Variants in SNX4 observed in about 807,000 individuals in gnomAD.
SNX4 encodes sorting nexin 4, also known as sorting nexin-4.
In SNX4, 49 loss-of-function variants were observed where a neutral mutation model predicts 70.8. That is an observed-to-expected ratio of 0.69 (90% CI 0.55 to 0.88). The LOEUF is 0.88. Among genes scored for constraint, SNX4 ranks in the 40% least tolerant of loss-of-function variants. SNX4 has a pLI of 0.00. For missense variants in SNX4, 528 were observed against 544.8 expected (o/e 0.97, Z 0.31); for synonymous variants, 206 against 183.8 (o/e 1.12, Z -0.98).
chr3:125,465,404 C>A (rs962504432), intron 9 of SNX4, among the ~76,000 whole-genome samples: 5 of 151,876 alleles, frequency 3.3e-5, no homozygotes, highest in African/African-American at 9.7e-5. Context: ...TGCCACCACA[C>A]CTGGCTAATT....
intron 1 of SNX4, among the ~76,000 whole-genome samples, chr3:125,518,475 G>C (rs74281253): frequency 0.038 from 5,780 of 151,958 alleles, 214 homozygotes; most frequent in East Asian, 0.11. Flanking sequence ...GAAAAAAAAA[G>C]CACATCCAAA....
chr3:125,481,682 G>A (rs144773609), intron 6 of SNX4, among the ~76,000 whole-genome samples: 6,772 of 152,076 alleles, frequency 0.045, 228 homozygotes, highest in Non-Finnish European at 0.066. Context: ...TCAGGTGATC[G>A]CCTGCCTTGG....
Position 125,453,885 on chromosome 3 carries a change from T to G in SNX4, c.1115A>C (p.Glu372Ala). ...LFGQETPEQR[E>A]ARIKVLEEQI... is the part of the protein sequence containing the mutation. ...TTCTTCTAGCACCTTTATTCTGGCT[T>G]CTCTCTGCTCTGGAGTTTCTTGACC... The change falls in exon 12 of 14, where the codon GAA becomes GCA. Residue 372 changes from glutamate to alanine, a missense_variant. Transcript: ENST00000251775. 1.9e-6 allele frequency: 3 copies of G among 1,614,014 alleles called. No homozygotes were observed. The highest frequency in any genetic ancestry group is 2.5e-6 in the Non-Finnish European group (3 of 1,179,898).
At chr3:125,505,826 T>C (rs1360525206) in intron 1 of SNX4, among the ~76,000 whole-genome samples, 2 of 152,166 alleles carry the variant, frequency 1.3e-5, no homozygotes, top group Non-Finnish European at 2.9e-5. Context: ...CCAGGTGTGG[T>C]AGAGCGTGTC....
At chr3:125,519,376 A>G (rs1451862502) in intron 1 of SNX4, among the ~76,000 whole-genome samples, 1 of 152,188 alleles carries the variant, frequency 6.6e-6, no homozygotes, top group Non-Finnish European at 1.5e-5. Context: ...GTTATCAATA[A>G]GTCTCCAATG....
At position 125,462,889 on chromosome 3, in the gene SNX4, T is replaced by C. The variant is rs564031109; in HGVS notation, c.855-2029A>G. Reference sequence around the variant, plus strand: ...GTGGTGTCAGGTGGAAACCTTTTATTGAAGAGCACTGCTCCTTGAGGAGCA... The same window carrying C: ...GTGGTGTCAGGTGGAAACCTTTTATCGAAGAGCACTGCTCCTTGAGGAGCA... On this transcript the variant is annotated intron_variant, in intron 9 of 13. Transcript: ENST00000251775. Among the ~76,000 whole-genome samples the C allele has an allele frequency of 5.3e-5, 8 of 152,282 alleles. No individual in the cohort carries two copies. In the East Asian group the frequency reaches 1.3e-3, roughly 26 times the overall value.
chr3:125,519,937 T>TGGCCCGGCCC (rs529152980), intron 1 of SNX4, 95 bp downstream of exon 1: 12 of 874,666 alleles, frequency 1.4e-5, no homozygotes, highest in South Asian at 4.5e-5. Context: ...CCGAGCCCAC[T>TGGCCCGGCCC]GGCCCGGCCC....
At chr3:125,448,538 CTAAT>C (rs1333124631) in intron 13 of SNX4, among the ~76,000 whole-genome samples, 1 of 151,784 alleles carries the variant, frequency 6.6e-6, no homozygotes, top group Non-Finnish European at 1.5e-5. Context: ...TTGATAAAAA[CTAAT>C]TATGTACTAA....
At chr3:125,489,361 G>C (rs752311620) in intron 6 of SNX4, 47 bp downstream of exon 6, 3 of 1,349,842 alleles carry the variant, frequency 2.2e-6, no homozygotes, top group Admixed American at 1.8e-5. Flanking sequence ...TAGATTGATA[G>C]CACCATTCAA....
chr3:125,512,749 T>C (rs1935195169), intron 1 of SNX4, among the ~76,000 whole-genome samples: 1 of 151,032 alleles, frequency 6.6e-6, no homozygotes. Context: ...CTCACCTCAG[T>C]GCAGGGTCAA....
chr3:125,482,997 T>C (rs1934449105), intron 6 of SNX4, among the ~76,000 whole-genome samples: 1 of 152,094 alleles, frequency 6.6e-6, no homozygotes, highest in African/African-American at 2.4e-5. Flanking sequence ...GGTGTTACTC[T>C]CTGGGGAGGG....
At chr3:125,461,762 C>T (rs955713400) in intron 9 of SNX4, among the ~76,000 whole-genome samples, 3 of 151,634 alleles carry the variant, frequency 2.0e-5, no homozygotes, top group African/African-American at 4.8e-5. Flanking sequence ...CCCGGGTTCA[C>T]GCCATTCTCC....
chr3:125,508,599 T>C (rs2107569495), intron 1 of SNX4, among the ~76,000 whole-genome samples: 1 of 149,852 alleles, frequency 6.7e-6, no homozygotes, highest in South Asian at 2.1e-4. Context: ...TAGCATAAAA[T>C]TGGAGGACTC....
chr3:125,463,198 G>T (rs951560359), intron 9 of SNX4, among the ~76,000 whole-genome samples: 3 of 152,156 alleles, frequency 2.0e-5, no homozygotes, highest in African/African-American at 7.2e-5. Context: ...TGTAAGCAGT[G>T]AACATATACA....
At chr3:125,456,538 T>G (rs1933720941) in intron 11 of SNX4, among the ~76,000 whole-genome samples, 1 of 152,004 alleles carries the variant, frequency 6.6e-6, no homozygotes, top group Non-Finnish European at 1.5e-5. Context: ...TCCCAACTAC[T>G]CAAGAGGCTG....
At chr3:125,519,424 G>A (rs930692358) in intron 1 of SNX4, among the ~76,000 whole-genome samples, 1 of 152,120 alleles carries the variant, frequency 6.6e-6, no homozygotes, top group Non-Finnish European at 1.5e-5. Context: ...AGAAATTACA[G>A]CCAAATGAGG....
At chr3:125,460,968 G>A in intron 9 of SNX4, 108 bp from the exon 10 acceptor site, 2 of 447,544 alleles carry the variant, frequency 4.5e-6, no homozygotes, top group Non-Finnish European at 7.9e-6. Context: ...GCTCACACCT[G>A]TAATCCCAGC....
intron 1 of SNX4, 59 bp downstream of exon 1, chr3:125,519,972 CA>C: frequency 2.8e-6 from 4 of 1,435,436 alleles, no homozygotes; most frequent in Middle Eastern, 1.9e-4. Flanking sequence ...CAGCCCAGCC[CA>C]GCCCGGCCCG....
chr3:125,494,753 T>C (rs1179325713), intron 5 of SNX4, among the ~76,000 whole-genome samples: 1 of 152,130 alleles, frequency 6.6e-6, no homozygotes, highest in African/African-American at 2.4e-5. Context: ...GAATTAAGAG[T>C]GCACAAGCAA....
Sources: gnomAD v4.1 joint callset for allele counts (sites outside exome capture counted in the v4.1 genomes callset) on GRCh38, gnomAD v4.1.1 for gene constraint, MANE v1.5 for transcripts, NCBI Gene and HGNC (gene_info 2026-07-23, HGNC 2026-07-21) for gene names.